Variants in UMAD1 observed in about 807,000 individuals in gnomAD.
UMAD1 encodes the protein UBAP1-MVB12-associated (UMA) domain containing 1, also known as UBAP1-MVB12-associated (UMA)-domain containing protein 1.
A neutral mutation model predicts 6.1 loss-of-function variants in UMAD1; 8 were observed. The observed-to-expected ratio is 1.30, with a 90% CI of 0.76 to 2.35. The LOEUF is 2.35. Among genes scored for constraint, UMAD1 ranks in the 30% most tolerant of loss-of-function variants. The probability of loss-of-function intolerance (pLI) is 0.00; values close to 1 mark genes in which losing one functional copy is unlikely to be tolerated. For synonymous variants in UMAD1, 56 were observed against 31.4 expected, an observed-to-expected ratio of 1.78 and a Z score of -2.61; for missense variants, 130 against 78.4, an observed-to-expected ratio of 1.66 and a Z score of -2.49.
chr7:7,749,901 G>A (rs548478394), intron 2 of UMAD1, among the ~76,000 whole-genome samples: 1 of 152,184 alleles, frequency 6.6e-6, no homozygotes, highest in Admixed American at 6.5e-5. Context: ...TGTCACATTT[G>A]CATTCATAAA....
chr7:7,675,936 A>G (rs1482953882), intron 2 of UMAD1, among the ~76,000 whole-genome samples: 3 of 151,986 alleles, frequency 2.0e-5, no homozygotes, highest in Non-Finnish European at 2.9e-5. Context: ...CCAGGTGCAA[A>G]GCTCCACCCC....
intron 2 of UMAD1, among the ~76,000 whole-genome samples, chr7:7,731,498 A>G (rs1198124379): frequency 4.7e-5 from 7 of 148,276 alleles, no homozygotes; most frequent in African/African-American, 1.5e-4. Context: ...CCCCAAAAAA[A>G]AAACACTTCT....
At chr7:7,869,220 C>T (rs1279346600) in intron 3 of UMAD1, among the ~76,000 whole-genome samples, 3 of 151,840 alleles carry the variant, frequency 2.0e-5, no homozygotes, top group African/African-American at 7.3e-5. Flanking sequence ...CAGATTTGCC[C>T]CTCCACCTCA....
intron 3 of UMAD1, among the ~76,000 whole-genome samples, chr7:7,813,237 A>G (rs1334399510): frequency 6.6e-6 from 1 of 151,116 alleles, no homozygotes; most frequent in Non-Finnish European, 1.5e-5. Context: ...TTGTTTTTAG[A>G]TGGAGTCTCG....
At chr7:7,851,896 C>T (rs56299844) in intron 3 of UMAD1, among the ~76,000 whole-genome samples, 14,346 of 152,076 alleles carry the variant, frequency 0.094, 826 homozygotes, top group Middle Eastern at 0.16. Flanking sequence ...GAGGTCTTAT[C>T]TATTTTTTCT....
chr7:7,873,890 C>G (rs377345515), intron 3 of UMAD1, among the ~76,000 whole-genome samples: 1 of 152,174 alleles, frequency 6.6e-6, no homozygotes, highest in Non-Finnish European at 1.5e-5. Context: ...TCATTTACAT[C>G]GTAACACCTA....
Position 7,738,186 on chromosome 7 carries a change from A to C in UMAD1, c.83-63484A>C, listed in dbSNP as rs1167987252. Among the ~76,000 whole-genome samples the C allele has an allele frequency of 2.0e-5, 3 of 152,350 alleles. No homozygotes were observed. The East Asian group carries it at 5.8e-4, about 29-fold the overall frequency. ...TTTCTTAAAGAAGTTTAGTGTGACC[A>C]ACCACTAGTGTAGGCATTGGAAGAA... On this transcript the variant is annotated intron_variant, in intron 2 of 3. Transcript: ENST00000682710.
chr7:7,661,703 C>A (rs1052845984), intron 1 of UMAD1, among the ~76,000 whole-genome samples: 1 of 152,180 alleles, frequency 6.6e-6, no homozygotes, highest in Admixed American at 6.5e-5. Context: ...GGGCACCCAC[C>A]AGATGCCAGC....
chr7:7,811,669 A>G (rs1783024736), intron 3 of UMAD1, among the ~76,000 whole-genome samples: 2 of 152,198 alleles, frequency 1.3e-5, no homozygotes, highest in Non-Finnish European at 2.9e-5. Context: ...CAACCTTTAA[A>G]ATAATGCTTT....
At chr7:7,834,787 G>A (rs1055745260) in intron 3 of UMAD1, among the ~76,000 whole-genome samples, 1 of 152,182 alleles carries the variant, frequency 6.6e-6, no homozygotes, top group African/African-American at 2.4e-5. Flanking sequence ...ACGTATGGGT[G>A]GGGGTGTGTA....
Position 7,830,294 on chromosome 7 carries a change from C to G in UMAD1, c.156+28551C>G, listed in dbSNP as rs1783436280. Among the ~76,000 whole-genome samples the G allele has an allele frequency of 6.6e-6, 1 of 151,930 alleles. No individual in the cohort carries two copies. Among genetic ancestry groups the G allele is most frequent in the Admixed American group, 6.6e-5 (1 of 15,238 alleles). ...TTGCTAAAGATTGAGTGTGGAATACCTTTTTTGTAGCAGCTGCTCTGGAGG... is the reference window on the plus strand; with the variant it reads ...TTGCTAAAGATTGAGTGTGGAATACGTTTTTTGTAGCAGCTGCTCTGGAGG... On this transcript the variant is annotated intron_variant, in intron 3 of 3. Coordinates refer to ENST00000682710, the MANE Select transcript of UMAD1 (RefSeq NM_001302348.2). This position sits in a 1 kb window ranked among gnomAD's most constrained non-coding sequence, Gnocchi z 5.3.
intron 2 of UMAD1, among the ~76,000 whole-genome samples, chr7:7,733,594 A>T (rs1033150787): frequency 1.4e-5 from 2 of 147,234 alleles, no homozygotes; most frequent in Non-Finnish European, 3.0e-5. Context: ...GCCATCTAGT[A>T]TGTCACCAGA....
intron 3 of UMAD1, among the ~76,000 whole-genome samples, chr7:7,815,916 T>C (rs1044776334): frequency 6.6e-6 from 1 of 152,120 alleles, no homozygotes; most frequent in Non-Finnish European, 1.5e-5. Flanking sequence ...ACAATAGATA[T>C]CAGTGGAGGT....
chr7:7,727,967 TTA>T (rs145454946), intron 2 of UMAD1, among the ~76,000 whole-genome samples: 2 of 151,890 alleles, frequency 1.3e-5, no homozygotes, highest in Admixed American at 6.6e-5. Context: ...AATAAACTCT[TTA>T]TATATATATA....
chr7:7,663,119 T>G (rs1785516559), intron 1 of UMAD1, among the ~76,000 whole-genome samples: 1 of 151,768 alleles, frequency 6.6e-6, no homozygotes, highest in African/African-American at 2.4e-5. Flanking sequence ...TGTATAATGC[T>G]CTCAATCTTT....
chr7:7,676,232 C>G (rs1779735365), intron 2 of UMAD1: 3 of 398,578 alleles, frequency 7.5e-6, no homozygotes, highest in Non-Finnish European at 8.8e-6. Flanking sequence ...CCCAGTACCA[C>G]TTAGCATATC....
At chr7:7,664,535 C>T (rs1196221129) in intron 1 of UMAD1, among the ~76,000 whole-genome samples, 1 of 152,176 alleles carries the variant, frequency 6.6e-6, no homozygotes, top group Non-Finnish European at 1.5e-5. Context: ...TGCTTATCTA[C>T]ATGGTTCCTT....
At position 7,791,465 on chromosome 7, in the gene UMAD1, G is replaced by A. The variant is rs531880703; in HGVS notation, c.83-10205G>A. ...ACAACACAAAATCTTTCAAGATGCAGATTTGTACAGCATAATACAGTATTG... is the reference window on the plus strand; with the variant it reads ...ACAACACAAAATCTTTCAAGATGCAAATTTGTACAGCATAATACAGTATTG... On this transcript the variant is annotated intron_variant, in intron 2 of 3. Coordinates refer to ENST00000682710, the MANE Select transcript of UMAD1 (RefSeq NM_001302348.2). Among the ~76,000 whole-genome samples the A allele has an allele frequency of 2.6e-5, 4 of 152,310 alleles. No homozygotes were observed. The South Asian group carries it at 8.3e-4, about 32-fold the overall frequency.
At chr7:7,710,004 G>A (rs1780712291) in intron 2 of UMAD1, among the ~76,000 whole-genome samples, 1 of 152,008 alleles carries the variant, frequency 6.6e-6, no homozygotes, top group Admixed American at 6.6e-5. Context: ...AGTTTTGTAT[G>A]TTTTACAACC....
Sources: gnomAD v4.1 joint callset for allele counts (sites outside exome capture counted in the v4.1 genomes callset) on GRCh38, gnomAD v4.1.1 for gene constraint, Gnocchi (gnomAD v3.1) non-coding constraint, MANE v1.5 for transcripts, NCBI Gene and HGNC (gene_info 2026-07-23, HGNC 2026-07-21) for gene names.